Variants in ANKRD26 observed in about 807,000 individuals in gnomAD.
ANKRD26 encodes the protein ankyrin repeat domain-containing protein 26.
In ANKRD26, 141 loss-of-function variants were observed where a neutral mutation model predicts 208.7. That is an observed-to-expected ratio of 0.68 (90% CI 0.59 to 0.78). The LOEUF is 0.78. Ranked by LOEUF, ANKRD26 falls within the 30% of genes least tolerant of loss-of-function variation. The pLI is 0.00. For missense variants in ANKRD26, 1,889 were observed against 1,938.7 expected, an observed-to-expected ratio of 0.97 and a Z score of 0.48; for synonymous variants, 636 against 660.4, an observed-to-expected ratio of 0.96 and a Z score of 0.57.
intron 21 of ANKRD26, among the ~76,000 whole-genome samples, chr10:27,039,501 T>C (rs963172135): frequency 7.9e-5 from 12 of 151,918 alleles, no homozygotes; most frequent in Non-Finnish European, 1.3e-4. Context: ...TTTCATTCTC[T>C]ATTGATTGAA....
intron 9 of ANKRD26, among the ~76,000 whole-genome samples, chr10:27,071,656 A>C (rs1218839676): frequency 6.6e-6 from 1 of 152,054 alleles, no homozygotes; most frequent in African/African-American, 2.4e-5. Context: ...TAACAGAAAA[A>C]CTTAAAGAAA....
the ANKRD26 span, among the ~76,000 whole-genome samples, chr10:26,967,084 A>T: frequency 1.3e-5 from 2 of 151,894 alleles, no homozygotes; most frequent in African/African-American, 4.8e-5. Context: ...TCTGGGAGTA[A>T]GTAAGTTTTT....
rs1425195368 is a variant in ANKRD26, at chr10:27,040,001, T to G, written c.2339A>C (p.Gln780Pro). Residue 780 changes from glutamine to proline, a missense_variant, in exon 21 of 34, where the codon CAA becomes CCA. Physicochemically the swap from Gln to Pro is moderately conservative, Grantham distance 76. Coordinates refer to ENST00000376087, the MANE Select transcript of ANKRD26 (RefSeq NM_014915.3). ...TKEIKSQLEH[Q>P]KVEWERELCS... is the part of the protein sequence containing the mutation. ...CAGTTCTCGTTCCCATTCAACTTTT[T>G]GATGCTCTAACTGTGATTTTATTTC... 6.2e-7 allele frequency: 1 copy of G among 1,613,812 alleles called. No individual in the cohort carries two copies. The highest frequency in any genetic ancestry group is 1.3e-5 in the African/African-American group (1 of 75,054).
chr10:27,082,074 AG>A (rs66704198), intron 6 of ANKRD26, among the ~76,000 whole-genome samples: 6 of 38,710 alleles, frequency 1.5e-4, no homozygotes, highest in Admixed American at 4.8e-4. Flanking sequence ...AAAAAAAAAA[AG>A]GGAGAGAGAG....
At chr10:27,003,708 G>A (rs1220135679), downstream of ANKRD26, among the ~76,000 whole-genome samples, 3 of 152,130 alleles carry the variant, frequency 2.0e-5, no homozygotes, top group South Asian at 2.1e-4. Context: ...TGAAAGCCCC[G>A]CCCGAATGGC....
chr10:27,054,477 C>T (rs1411263896), intron 15 of ANKRD26, among the ~76,000 whole-genome samples: 5 of 151,924 alleles, frequency 3.3e-5, no homozygotes, highest in African/African-American at 7.3e-5. Flanking sequence ...CCCAGCTACT[C>T]GGGAGGCTGA....
At chr10:26,989,899 A>G (rs1279147451), downstream of ANKRD26, among the ~76,000 whole-genome samples, 2 of 152,108 alleles carry the variant, frequency 1.3e-5, no homozygotes, top group Non-Finnish European at 2.9e-5. Context: ...GGGGGTGTAA[A>G]TGGAGGTGAA....
At chr10:27,055,812 A>G (rs1277089054) in intron 15 of ANKRD26, among the ~76,000 whole-genome samples, 1 of 152,000 alleles carries the variant, frequency 6.6e-6, no homozygotes, top group East Asian at 1.9e-4. Flanking sequence ...TAGAAATTAT[A>G]AGAAATAATA....
At chr10:26,981,455 G>A (rs2052307350) in intron 4 of ANKRD26, among the ~76,000 whole-genome samples, 1 of 152,110 alleles carries the variant, frequency 6.6e-6, no homozygotes, top group African/African-American at 2.4e-5. Flanking sequence ...TGACAGCTGG[G>A]TGCAGGAAGA....
Position 27,024,353 on chromosome 10 carries a change from T to C in ANKRD26, c.4085+94A>G, listed in dbSNP as rs1182447984. ...AATAATTTCATTAAGAAAAAGTAGA[T>C]ATTAAATGAATTTATATCTAGTTTT... is the stretch of plus-strand genomic sequence containing the variant. On this transcript the variant is annotated intron_variant, in intron 28 of 33. Transcript: ENST00000376087. 8 of 679,412 alleles carry C rather than the reference T, an allele frequency of 1.2e-5. No individual in the cohort carries two copies. The East Asian group carries it at 2.3e-4, about 20-fold the overall frequency. The allele number at this position is 679,412 out of a possible 1,614,324, so 42.1% of individuals were successfully genotyped here.
chr10:27,099,876 G>A (rs1564444279), intron 1 of ANKRD26, among the ~76,000 whole-genome samples: 2 of 152,160 alleles, frequency 1.3e-5, no homozygotes, highest in Admixed American at 1.3e-4. Context: ...AGGGATTTCG[G>A]GGGGATCGGA....
chr10:27,006,926 G>A lies in ANKRD26; in HGVS notation c.4990C>T (p.Leu1664Phe), dbSNP rs747183241. 2.2e-5 allele frequency: 36 copies of A among 1,608,906 alleles called. No homozygotes were observed. The highest frequency in any genetic ancestry group is 1.0e-5 in the Non-Finnish European group (12 of 1,176,456). ...QELEKNITRE[L>F]KEAAAELESG... Reference sequence around the variant, plus strand: ...AAGTTTGGCAACATACCTTCTTTGAGTTCTCTAGTTATATTTTTTTCCAAC... The same window carrying A: ...AAGTTTGGCAACATACCTTCTTTGAATTCTCTAGTTATATTTTTTTCCAAC... Residue 1664 changes from leucine to phenylalanine, a missense_variant, in exon 33 of 34, where the codon CTC becomes TTC. This residue lies in a region of ANKRD26 where 613 missense variants were observed against 648.2 expected (regional missense o/e 0.95). Transcript: ENST00000376087.
downstream of ANKRD26, among the ~76,000 whole-genome samples, chr10:26,999,632 C>G (rs2052674615): frequency 6.6e-6 from 1 of 152,086 alleles, no homozygotes; most frequent in Admixed American, 6.5e-5. Flanking sequence ...GCCACTGCTG[C>G]TCTTAGGAGG....
chr10:26,975,731 A>G (rs2052217259), exon 6 of ANKRD26, among the ~76,000 whole-genome samples: 1 of 152,020 alleles, frequency 6.6e-6, no homozygotes, highest in South Asian at 2.1e-4. Context: ...AATTGCAGCT[A>G]CTTAGGAGGC....
rs1201289587 is a variant in ANKRD26, at chr10:27,035,699, C to A, written c.2751G>T (p.Leu917Phe). 6.2e-7 allele frequency: 1 copy of A among 1,604,164 alleles called. No homozygotes were observed. Among genetic ancestry groups the A allele is most frequent in the Admixed American group, 1.7e-5 (1 of 57,476 alleles). The change falls in exon 24 of 34, where the codon TTG becomes TTT. Residue 917 changes from leucine to phenylalanine, a missense_variant. Coordinates refer to ENST00000376087, the MANE Select transcript of ANKRD26 (RefSeq NM_014915.3). ...EKDLSHKNSM[L>F]QEEIAMLRLE... ...GTCTTAGCATAGCAATTTCTTCCTG[C>A]AACATGCTATTTTTATGCGATAGGT...
At chr10:27,014,268 G>C (rs2053216959) in intron 31 of ANKRD26, among the ~76,000 whole-genome samples, 2 of 146,798 alleles carry the variant, frequency 1.4e-5, no homozygotes, top group Non-Finnish European at 3.0e-5. Context: ...AACTACCTAA[G>C]AATATTAACG....
At chr10:27,065,383 C>T (rs2055201897) in intron 11 of ANKRD26, among the ~76,000 whole-genome samples, 1 of 152,132 alleles carries the variant, frequency 6.6e-6, no homozygotes, top group South Asian at 2.1e-4. Context: ...CATTTAAAAT[C>T]TCATTGGGAA....
At chr10:26,977,071 A>C (rs1488120989) in intron 5 of ANKRD26, among the ~76,000 whole-genome samples, 1 of 152,212 alleles carries the variant, frequency 6.6e-6, no homozygotes, top group Non-Finnish European at 1.5e-5. Flanking sequence ...GCTTCAAGCA[A>C]TAGATTTAGA....
intron 19 of ANKRD26, 151 bp downstream of exon 19, chr10:27,044,006 C>A: frequency 1.8e-6 from 1 of 559,596 alleles, no homozygotes; most frequent in Non-Finnish European, 2.8e-6. Context: ...GTTGCCTAGG[C>A]TGGTCTCAAA....
Sources: allele counts gnomAD v4.1 joint callset (sites outside exome capture counted in the v4.1 genomes callset), GRCh38; gene constraint gnomAD v4.1.1; regional missense constraint gnomAD v4.1.1; transcripts MANE v1.5; gene names NCBI Gene and HGNC (gene_info 2026-07-23, HGNC 2026-07-21).